KIF3B: variants seen among roughly 807,000 people sequenced by gnomAD.
The protein encoded by KIF3B is kinesin-like protein KIF3B.
In KIF3B, 38 loss-of-function variants were observed where a neutral mutation model predicts 74.3. That is an observed-to-expected ratio of 0.51 (90% CI 0.39 to 0.67). KIF3B has a LOEUF of 0.67. Ranked by LOEUF, KIF3B falls within the 30% of genes least tolerant of loss-of-function variation. KIF3B has a pLI of 0.00. For synonymous variants in KIF3B, 326 were observed against 342.5 expected (o/e 0.95, Z 0.53); for missense variants, 649 against 932.0 (o/e 0.70, Z 3.95).
chr20:32,324,126 GAAGA>G (rs1027368175), intron 5 of KIF3B, among the ~76,000 whole-genome samples: 1 of 145,920 alleles, frequency 6.9e-6, no homozygotes, highest in Non-Finnish European at 1.5e-5. Flanking sequence ...AAAAAAAAAA[GAAGA>G]AATATACTAC....
At chr20:32,304,595 C>CAGTAGAGTA (rs1395633338) in intron 1 of KIF3B, among the ~76,000 whole-genome samples, 1 of 152,114 alleles carries the variant, frequency 6.6e-6, no homozygotes, top group Non-Finnish European at 1.5e-5. Context: ...TATGATGCTG[C>CAGTAGAGTA]TGTTGCAGAG....
At chr20:32,329,462 G>T (rs1446812842) in intron 7 of KIF3B, among the ~76,000 whole-genome samples, 1 of 150,376 alleles carries the variant, frequency 6.6e-6, no homozygotes, top group Admixed American at 6.7e-5. Flanking sequence ...TGATCCTCCT[G>T]CCTTGGCCTC....
chr20:32,300,946 G>T (rs1479451415), intron 1 of KIF3B, among the ~76,000 whole-genome samples: 2 of 151,972 alleles, frequency 1.3e-5, no homozygotes, highest in African/African-American at 4.8e-5. Flanking sequence ...GCTCACTGTA[G>T]CCTTGACTTG....
chr20:32,329,553 A>C (rs548766348), intron 7 of KIF3B, among the ~76,000 whole-genome samples: 4 of 151,700 alleles, frequency 2.6e-5, no homozygotes, highest in African/African-American at 9.7e-5. Flanking sequence ...TGCTTTCTCT[A>C]ATTAAGTTTC....
At chr20:32,279,842 A>G (rs1340834050) in intron 1 of KIF3B, among the ~76,000 whole-genome samples, 1 of 151,728 alleles carries the variant, frequency 6.6e-6, no homozygotes, top group East Asian at 2.1e-4. Context: ...AGGCTAGATT[A>G]TACTGAAGGC....
chr20:32,306,386 T>G (rs2047771126), intron 1 of KIF3B, among the ~76,000 whole-genome samples: 1 of 151,784 alleles, frequency 6.6e-6, no homozygotes, highest in African/African-American at 2.4e-5. Flanking sequence ...CAGAGCAAGA[T>G]TCCGTCTCAA....
intron 2 of KIF3B, among the ~76,000 whole-genome samples, chr20:32,311,409 T>C (rs1280029506): frequency 1.3e-5 from 2 of 152,140 alleles, no homozygotes; most frequent in African/African-American, 2.4e-5. Context: ...ATAATTATTA[T>C]GTATGCACAT....
At chr20:32,317,022 T>C in intron 5 of KIF3B, 148 bp downstream of exon 5, 3 of 649,472 alleles carry the variant, frequency 4.6e-6, no homozygotes, top group Admixed American at 2.5e-5. Context: ...GATCACCTGA[T>C]GTCAGGAGTT....
At chr20:32,313,247 A>G (rs2047810897) in intron 2 of KIF3B, among the ~76,000 whole-genome samples, 1 of 152,120 alleles carries the variant, frequency 6.6e-6, no homozygotes, top group Non-Finnish European at 1.5e-5. Flanking sequence ...GGCAGAGGAG[A>G]GTGCAAAGGT....
At chr20:32,281,805 G>C (rs1317754591) in intron 1 of KIF3B, among the ~76,000 whole-genome samples, 1 of 152,180 alleles carries the variant, frequency 6.6e-6, no homozygotes, top group Non-Finnish European at 1.5e-5. Context: ...TCCCAGGGAC[G>C]GGCCAGCCAT....
intron 1 of KIF3B, among the ~76,000 whole-genome samples, chr20:32,280,714 C>CAAAAAAAAAAAAAAAAAAAAAAAAAA (rs34366324): frequency 1.9e-5 from 1 of 51,346 alleles, no homozygotes; most frequent in Non-Finnish European, 3.4e-5. Flanking sequence ...GACTCCGTCT[C>CAAAAAAAAAAAAAAAAAAAAAAAAAA]AAAAAAAAAA....
intron 6 of KIF3B, among the ~76,000 whole-genome samples, chr20:32,327,142 CTGT>C (rs1477039029): frequency 1.3e-5 from 2 of 152,132 alleles, no homozygotes; most frequent in Admixed American, 6.5e-5. Context: ...TCCTGCATTT[CTGT>C]TTCTCCAGCT....
rs548613866 is a variant in KIF3B, at chr20:32,324,053, G to A, written c.1749-2718G>A. 2.6e-5 allele frequency among the ~76,000 whole-genome samples: 4 copies of A among 151,746 alleles called. No individual in the cohort carries two copies. The South Asian group carries it at 8.3e-4, about 32-fold the overall frequency. Reference sequence around the variant, plus strand: ...GAGCCCAGGAGTTCAAGGCTGCAGTGAGCCAAGATTATGCCACTGCATTCC... The same window carrying A: ...GAGCCCAGGAGTTCAAGGCTGCAGTAAGCCAAGATTATGCCACTGCATTCC... On this transcript the variant is annotated intron_variant, in intron 5 of 8. Coordinates refer to ENST00000375712, the MANE Select transcript of KIF3B (RefSeq NM_004798.4).
intron 2 of KIF3B, among the ~76,000 whole-genome samples, chr20:32,314,654 A>G (rs1468389006): frequency 6.6e-6 from 1 of 152,194 alleles, no homozygotes; most frequent in Non-Finnish European, 1.5e-5. Flanking sequence ...CAGAGGACTC[A>G]CTGAAAGATG....
chr20:32,326,971 G>C, intron 6 of KIF3B, 87 bp downstream of exon 6: 1 of 705,670 alleles, frequency 1.4e-6, no homozygotes, highest in Admixed American at 2.5e-5. Context: ...CAACAAAGGG[G>C]TTTGATAAGA....
chr20:32,327,407 C>G (rs1334783009), intron 6 of KIF3B, 149 bp from the exon 7 acceptor site: 16 of 593,206 alleles, frequency 2.7e-5, no homozygotes, highest in Non-Finnish European at 4.5e-5. Context: ...AATCAGAAAG[C>G]AACTCAAGCA....
intron 2 of KIF3B, among the ~76,000 whole-genome samples, chr20:32,312,949 T>G (rs997219420): frequency 1.3e-5 from 2 of 152,196 alleles, no homozygotes; most frequent in Non-Finnish European, 2.9e-5. Context: ...GACTAACATT[T>G]GCATATAGTA....
At chr20:32,305,889 C>T (rs918404651) in intron 1 of KIF3B, among the ~76,000 whole-genome samples, 1 of 151,144 alleles carries the variant, frequency 6.6e-6, no homozygotes, top group Non-Finnish European at 1.5e-5. Context: ...GCTCCATTTT[C>T]TTATTTGCAT....
chr20:32,305,064 C>T (rs1380720586), intron 1 of KIF3B, among the ~76,000 whole-genome samples: 1 of 152,032 alleles, frequency 6.6e-6, no homozygotes, highest in Non-Finnish European at 1.5e-5. Flanking sequence ...AGGAGAATTG[C>T]TTGAACCCAG....
Sources: allele counts gnomAD v4.1 joint callset (sites outside exome capture counted in the v4.1 genomes callset), GRCh38; gene constraint gnomAD v4.1.1; transcripts MANE v1.5; gene names NCBI Gene and HGNC (gene_info 2026-07-23, HGNC 2026-07-21).